The following ASB5 variants were observed in gnomAD, a reference collection of about 807,000 sequenced individuals.
ASB5 encodes the protein ankyrin repeat and SOCS box containing 5, also known as ankyrin repeat and SOCS box protein 5.
ASB5 carries 45 observed loss-of-function variants against 42.1 expected under a neutral mutation model. The observed-to-expected ratio is 1.07, with a 90% CI of 0.84 to 1.37. ASB5 has a LOEUF of 1.37. ASB5 is among the 40% of genes most tolerant of loss of function. The probability of loss-of-function intolerance (pLI) is 0.00; values close to 1 mark genes in which losing one functional copy is unlikely to be tolerated. For missense variants in ASB5, 402 were observed against 399.8 expected (o/e 1.01, Z -0.05); for synonymous variants, 147 against 150.6 (o/e 0.98, Z 0.18).
At chr4:176,268,672 T>TTA (rs992324840) in intron 1 of ASB5, among the ~76,000 whole-genome samples, 3 of 152,040 alleles carry the variant, frequency 2.0e-5, no homozygotes, top group Admixed American at 6.6e-5. Flanking sequence ...TATATTCCTA[T>TTA]TATATATATA....
chr4:176,276,457 A>C (rs1326725818), intron 1 of ASB5, among the ~76,000 whole-genome samples: 7 of 152,330 alleles, frequency 4.6e-5, no homozygotes, highest in African/African-American at 1.7e-4. Flanking sequence ...ATCAGAATTC[A>C]TAACCAATGT....
At chr4:176,232,779 C>G (rs1035820758) in intron 1 of ASB5, among the ~76,000 whole-genome samples, 1 of 152,156 alleles carries the variant, frequency 6.6e-6, no homozygotes, top group Non-Finnish European at 1.5e-5. Context: ...TTAAGACTAG[C>G]TATTCCTTTT....
intron 2 of ASB5, among the ~76,000 whole-genome samples, chr4:176,274,621 G>A (rs1401845801): frequency 6.6e-6 from 1 of 152,146 alleles, no homozygotes; most frequent in African/African-American, 2.4e-5. Flanking sequence ...ACTGTCCTCT[G>A]AGGTAGCCAC....
At chr4:176,257,433 C>T (rs1292691521) in intron 1 of ASB5, among the ~76,000 whole-genome samples, 1 of 152,056 alleles carries the variant, frequency 6.6e-6, no homozygotes, top group African/African-American at 2.4e-5. Flanking sequence ...TTTAAAACTC[C>T]CAACTCTGAA....
intron 6 of ASB5, 69 bp downstream of exon 6, chr4:176,216,747 ACT>A (rs1437641842): frequency 4.7e-6 from 6 of 1,266,270 alleles, no homozygotes; most frequent in African/African-American, 1.5e-5. Context: ...GCCAACAAAA[ACT>A]CTCTCACTTT....
chr4:176,216,882 A>G lies in ASB5; in HGVS notation c.798T>C (p.Leu266=), dbSNP rs781099374. ...GADINAKNTE[L]LRPIDVATSS... is the part of the protein sequence containing the mutation. ...ACGTAGCTACATCTATAGGTCGCAG[A>G]AGCTCTGTATTTTTGGCATTGATAT... The change falls in exon 6 of 7, where the codon CTT becomes CTC. Residue 266 remains leucine (L), a synonymous_variant. Coordinates refer to ENST00000296525, the MANE Select transcript of ASB5 (RefSeq NM_080874.4). The G allele has an allele frequency of 7.4e-6, 12 of 1,613,976 alleles. No homozygotes were observed. Among genetic ancestry groups the G allele is most frequent in the Non-Finnish European group, 1.0e-5 (12 of 1,179,970 alleles).
intron 5 of ASB5, among the ~76,000 whole-genome samples, chr4:176,219,248 A>T (rs1176390747): frequency 1.6e-4 from 17 of 109,248 alleles, no homozygotes; most frequent in African/African-American, 4.8e-4. Flanking sequence ...ATAAATATAT[A>T]TGTATGATAT....
chr4:176,224,558 A>G (rs1351625894), intron 2 of ASB5, among the ~76,000 whole-genome samples: 6 of 146,416 alleles, frequency 4.1e-5, no homozygotes, highest in Non-Finnish European at 8.9e-5. Flanking sequence ...TTTGTAGTAG[A>G]GATGGAGTTT....
chr4:176,230,252 C>A (rs2046263), intron 1 of ASB5, among the ~76,000 whole-genome samples: 74,004 of 151,952 alleles, frequency 0.49, 18,409 homozygotes, highest in East Asian at 0.7. Context: ...AGGGAACAAT[C>A]TTTTCCCCCA....
chr4:176,237,573 T>C (rs1468985125), intron 1 of ASB5: 1 of 985,402 alleles, frequency 1.0e-6, no homozygotes, highest in Non-Finnish European at 1.2e-6. Context: ...GTCTTCAACA[T>C]TGAACTCTAT....
chr4:176,227,993 C>A (rs1377772105), intron 1 of ASB5, among the ~76,000 whole-genome samples: 5 of 152,062 alleles, frequency 3.3e-5, no homozygotes, highest in Non-Finnish European at 7.4e-5. Flanking sequence ...TGTTGCTTGA[C>A]AAGATAAAGT....
rs1374150354 is a variant in ASB5 at position 176,221,847 on chromosome 4, G to A, written c.385-247C>T. Among the ~76,000 whole-genome samples, 4 of 152,212 alleles carry A rather than the reference G, an allele frequency of 2.6e-5. No individual in the cohort carries two copies. In the East Asian group the frequency reaches 7.7e-4, roughly 29 times the overall value. On this transcript the variant is annotated intron_variant, in intron 3 of 6. Coordinates refer to ENST00000296525, the MANE Select transcript of ASB5 (RefSeq NM_080874.4). Reference sequence around the variant, plus strand: ...TAGTGGAAATCATGAAAAAATGCATGCTCAAATGGCAAATAAGATCTAATT... The same window carrying A: ...TAGTGGAAATCATGAAAAAATGCATACTCAAATGGCAAATAAGATCTAATT...
chr4:176,246,475 G>A (rs529140512), intron 1 of ASB5, among the ~76,000 whole-genome samples: 15 of 152,330 alleles, frequency 9.8e-5, no homozygotes, highest in Admixed American at 9.2e-4. Flanking sequence ...TGACCACAGA[G>A]TATGAGTGTA....
intron 1 of ASB5, among the ~76,000 whole-genome samples, chr4:176,248,270 G>T (rs1323745282): frequency 6.6e-6 from 1 of 152,062 alleles, no homozygotes; most frequent in Non-Finnish European, 1.5e-5. Flanking sequence ...TGGGTCTACA[G>T]GTGCACACTA....
chr4:176,249,576 A>G (rs1381738031), intron 1 of ASB5: 1 of 152,116 alleles, frequency 6.6e-6, no homozygotes, highest in East Asian at 1.9e-4. Flanking sequence ...ACTGAGGGTA[A>G]TAAGAGACTT....
intron 1 of ASB5, among the ~76,000 whole-genome samples, chr4:176,265,222 C>T (rs991139623): frequency 1.3e-5 from 2 of 152,090 alleles, no homozygotes; most frequent in Non-Finnish European, 1.5e-5. Flanking sequence ...ATGAACTCTC[C>T]ACTCCAGCCA....
chr4:176,230,466 T>TAC (rs1753507317), intron 1 of ASB5, among the ~76,000 whole-genome samples: 2 of 152,320 alleles, frequency 1.3e-5, no homozygotes, highest in East Asian at 1.9e-4. Context: ...TTCTAGAACA[T>TAC]GTATACCACT....
upstream of ASB5, among the ~76,000 whole-genome samples, chr4:176,270,071 T>C (rs1260332970): frequency 6.6e-6 from 1 of 152,204 alleles, no homozygotes; most frequent in Non-Finnish European, 1.5e-5. Context: ...TGTATATAGG[T>C]ATCCTTAGGC....
intron 1 of ASB5, among the ~76,000 whole-genome samples, chr4:176,252,878 T>G (rs1204665599): frequency 6.6e-6 from 1 of 152,240 alleles, no homozygotes; most frequent in Non-Finnish European, 1.5e-5. Context: ...AAAGCCTTTT[T>G]TCTTCTCTAC....
Sources: gnomAD v4.1 joint callset for allele counts (sites outside exome capture counted in the v4.1 genomes callset) on GRCh38, gnomAD v4.1.1 for gene constraint, MANE v1.5 for transcripts, NCBI Gene and HGNC (gene_info 2026-07-23, HGNC 2026-07-21) for gene names.